Variants in PTPN14 observed in about 807,000 individuals in gnomAD.
PTPN14 encodes tyrosine-protein phosphatase non-receptor type 14.
In PTPN14, 53 loss-of-function variants were observed where a neutral mutation model predicts 126.8. The ratio of observed to expected loss-of-function variants is 0.42; its 90% CI spans 0.34 to 0.53. The LOEUF (loss-of-function observed/expected upper bound fraction) is 0.53. Ranked by LOEUF, PTPN14 falls within the 20% of genes least tolerant of loss-of-function variation. The pLI is 0.08. For missense variants in PTPN14, 1,257 were observed against 1,552.9 expected (o/e 0.81, Z 3.20); for synonymous variants, 630 against 599.3 (o/e 1.05, Z -0.75).
chr1:214,393,905 G>T, intron 9 of PTPN14, 128 bp from the exon 10 acceptor site: 1 of 738,644 alleles, frequency 1.4e-6, no homozygotes, highest in South Asian at 1.8e-5. Context: ...TAATACATGG[G>T]CCAGCAAGGT....
intron 2 of PTPN14, among the ~76,000 whole-genome samples, chr1:214,458,029 ATC>A (rs1558111251): frequency 8.1e-5 from 12 of 148,050 alleles, no homozygotes; most frequent in African/African-American, 2.8e-4. Context: ...CTATATCTAT[ATC>A]TATACCTAGA....
rs1657831532 is a variant in PTPN14, at chr1:214,356,784, G to T, written c.*1138C>A. On this transcript the variant is annotated 3_prime_UTR_variant, in exon 19 of 19. Coordinates refer to ENST00000366956, the MANE Select transcript of PTPN14 (RefSeq NM_005401.5). ...TATCAGCACAGCGGGGGTCACATTT[G>T]ATGTGTTTCCTGGCCAGGACCCCTG... is the stretch of plus-strand genomic sequence containing the variant. 6.6e-6 allele frequency: 1 copy of T among 152,182 alleles called. No individual in the cohort carries two copies. The highest frequency in any genetic ancestry group is 2.4e-5 in the African/African-American group (1 of 41,442). The allele number at this position is 152,182 out of a possible 1,614,324, so 9.4% of individuals were successfully genotyped here.
rs563862296 is a variant in PTPN14, at chr1:214,549,042, AGGGGCTGT to A, written c.-155+2133_-155+2140del. Among the ~76,000 whole-genome samples the A allele has an allele frequency of 1.4e-4, 21 of 152,288 alleles. No homozygotes were observed. In the East Asian group the frequency reaches 3.1e-3, roughly 22 times the overall value. The stretch of plus-strand genomic sequence containing the variant: ...TACACCTTCAGGAAAACTTCTGTGA[AGGGGCTGT>A]TCCTGAGATAAGAAAAGATGCTGGT... On this transcript the variant is annotated intron_variant, in intron 1 of 18. Transcript: ENST00000366956.
At chr1:214,410,121 G>A (rs970489059) in intron 5 of PTPN14, among the ~76,000 whole-genome samples, 1 of 151,778 alleles carries the variant, frequency 6.6e-6, no homozygotes, top group Non-Finnish European at 1.5e-5. Flanking sequence ...TGTTTCCTTT[G>A]TTGCACAGAA....
intron 3 of PTPN14, among the ~76,000 whole-genome samples, chr1:214,419,359 G>T (rs1157194155): frequency 6.6e-6 from 1 of 152,114 alleles, no homozygotes; most frequent in Non-Finnish European, 1.5e-5. Flanking sequence ...CATAGGCACG[G>T]TCAGTAGGGA....
intron 1 of PTPN14, among the ~76,000 whole-genome samples, chr1:214,519,868 G>A (rs1303002850): frequency 1.3e-5 from 2 of 151,582 alleles, no homozygotes; most frequent in African/African-American, 4.8e-5. Context: ...GGGCAACAAA[G>A]AAAGTTCTGT....
intron 1 of PTPN14, among the ~76,000 whole-genome samples, chr1:214,465,379 G>A (rs573875748): frequency 6.6e-6 from 1 of 152,284 alleles, no homozygotes; most frequent in Non-Finnish European, 1.5e-5. Flanking sequence ...GGAGGTTGAG[G>A]CGGAAGGATT....
intron 1 of PTPN14, among the ~76,000 whole-genome samples, chr1:214,544,276 T>C (rs984148370): frequency 1.3e-5 from 2 of 151,664 alleles, no homozygotes; most frequent in Non-Finnish European, 2.9e-5. Flanking sequence ...AAAAATTTTT[T>C]AAAAATTAGC....
chr1:214,384,669 A>T lies in PTPN14; in HGVS notation c.1186T>A (p.Ser396Thr). 6.2e-7 allele frequency: 1 copy of T among 1,613,942 alleles called. No homozygotes were observed. The highest frequency in any genetic ancestry group is 8.5e-7 in the Non-Finnish European group (1 of 1,180,024). ...GSVCSVHSVN[S>T]LNCSQSFIQA... ...ATGAAACTTTGCGAGCAGTTGAGGG[A>T]GTTGACGCTGTGAACGCTACACACG... is the stretch of plus-strand genomic sequence containing the variant. The change falls in exon 13 of 19, where the codon TCC (serine) becomes ACC (threonine). Residue 396 changes from serine to threonine, a missense_variant. Around this residue, in one of 3 missense-constraint regions of PTPN14, gnomAD observed 1,021 missense variants for 1,183.3 expected, o/e 0.86. Transcript: ENST00000366956. This position sits in a 1 kb window ranked among gnomAD's most constrained non-coding sequence, Gnocchi z 5.3.
chr1:214,551,363 A>G lies in PTPN14; in HGVS notation c.-335T>C, dbSNP rs945819232. 1.3e-5 allele frequency: 2 copies of G among 152,608 alleles called. No homozygotes were observed. The highest frequency in any genetic ancestry group is 2.9e-5 in the Non-Finnish European group (2 of 68,366). 9.5% of individuals were successfully genotyped at this position (152,608 alleles called of 1,614,324 possible). ...GCCGCGATCCCGGCGCGAGAGTCCG[A>G]GCAGAGGCGCACCGGGGGAGAAAAG... On this transcript the variant is annotated 5_prime_UTR_variant, in exon 1 of 19. Coordinates refer to ENST00000366956, the MANE Select transcript of PTPN14 (RefSeq NM_005401.5).
At chr1:214,437,463 T>A (rs1462590673) in intron 3 of PTPN14, among the ~76,000 whole-genome samples, 5 of 152,190 alleles carry the variant, frequency 3.3e-5, no homozygotes, top group African/African-American at 1.2e-4. Context: ...AAAGGCTAAA[T>A]TCTTATGCAA....
At chr1:214,391,954 C>A (rs118121955) in intron 10 of PTPN14, among the ~76,000 whole-genome samples, 1 of 152,284 alleles carries the variant, frequency 6.6e-6, no homozygotes, top group East Asian at 1.9e-4. Context: ...AATTGAGGAG[C>A]CACTCAATTG....
At position 214,384,848 on chromosome 1, in the gene PTPN14, A is replaced by G. The variant is rs1658571934; in HGVS notation, c.1067-60T>C. Reference sequence around the variant, plus strand: ...AAGCCATCCTGCCACAACAAAGTACATCCTCATACTCATGAGGTGACTTTT... The same window carrying G: ...AAGCCATCCTGCCACAACAAAGTACGTCCTCATACTCATGAGGTGACTTTT... On this transcript the variant is annotated intron_variant, in intron 12 of 18. Transcript: ENST00000366956. The surrounding 1 kb of genome is among the most constrained non-coding windows in gnomAD (Gnocchi z 5.3). The G allele has an allele frequency of 6.5e-7, 1 of 1,542,628 alleles. No individual in the cohort carries two copies. The highest frequency in any genetic ancestry group is 1.4e-5 in the African/African-American group (1 of 72,706).
chr1:214,505,179 A>AG (rs1229252760), intron 1 of PTPN14, among the ~76,000 whole-genome samples: 29 of 140,530 alleles, frequency 2.1e-4, no homozygotes, highest in African/African-American at 5.8e-4. Flanking sequence ...AATACCCGCC[A>AG]GGGAAAAAAA....
At chr1:214,494,517 G>A (rs1337332829) in intron 1 of PTPN14, among the ~76,000 whole-genome samples, 1 of 152,180 alleles carries the variant, frequency 6.6e-6, no homozygotes, top group Non-Finnish European at 1.5e-5. Context: ...ACAAGCCCTG[G>A]ATGTACTTCT....
rs983740694 is a variant in PTPN14, at chr1:214,467,403, T to C, written c.-154-2446A>G. 3.9e-5 allele frequency among the ~76,000 whole-genome samples: 6 copies of C among 152,344 alleles called. No homozygotes were observed. In the East Asian group the frequency reaches 1.2e-3, roughly 29 times the overall value. ...CAGGCACTTTACATTTGGGTGTGTCTCACTGTAAACACCTAGGAAAGAATG... is the reference window on the plus strand; with the variant it reads ...CAGGCACTTTACATTTGGGTGTGTCCCACTGTAAACACCTAGGAAAGAATG... On this transcript the variant is annotated intron_variant, in intron 1 of 18. Coordinates refer to ENST00000366956, the MANE Select transcript of PTPN14 (RefSeq NM_005401.5).
At chr1:214,362,124 A>C (rs1025191071) in intron 18 of PTPN14, among the ~76,000 whole-genome samples, 2 of 152,218 alleles carry the variant, frequency 1.3e-5, no homozygotes, top group Non-Finnish European at 2.9e-5. Flanking sequence ...CTTGAAACAC[A>C]AAATAAACTA....
rs1421603645 is a variant in PTPN14 at position 214,369,508 on chromosome 1, A to G, written c.3220T>C (p.Tyr1074His). Residue 1074 changes from tyrosine (Y) to histidine (H), a missense_variant, in exon 17 of 19, where the codon TAT becomes CAT. Transcript: ENST00000366956. Reference protein sequence around the residue: ...GQERTVWHLQYTDWPDHGCPE... With the variant: ...GQERTVWHLQHTDWPDHGCPE... ...CAGCCGTGATCTGGCCAGTCAGTAT[A>G]TTGTAAATGCCACACCGTCCTTTCT... The G allele has an allele frequency of 6.2e-7, 1 of 1,614,184 alleles. No homozygotes were observed.
chr1:214,481,622 C>T (rs7537274), intron 1 of PTPN14, among the ~76,000 whole-genome samples: 139,889 of 151,786 alleles, frequency 0.92, 64,607 homozygotes, highest in African/African-American at 0.98. Flanking sequence ...ATGAAGTCAT[C>T]AGTTTTCTCA....
Sources: gnomAD v4.1 joint callset for allele counts (sites outside exome capture counted in the v4.1 genomes callset) on GRCh38, gnomAD v4.1.1 for gene constraint, gnomAD v4.1.1 regional missense constraint, Gnocchi (gnomAD v3.1) non-coding constraint, MANE v1.5 for transcripts, NCBI Gene and HGNC (gene_info 2026-07-23, HGNC 2026-07-21) for gene names.